Variants in HMG20A observed in about 807,000 individuals in gnomAD.
HMG20A encodes the protein high mobility group 20A.
Under a neutral mutation model 43.9 loss-of-function variants are expected in HMG20A, and 17 were observed. The observed-to-expected ratio is 0.39, with a 90% CI of 0.27 to 0.58. The LOEUF (loss-of-function observed/expected upper bound fraction) is 0.58. Among genes scored for constraint, HMG20A ranks in the 20% least tolerant of loss-of-function variants. The pLI, the probability that HMG20A is intolerant of heterozygous loss-of-function variation, is 0.59. For synonymous variants in HMG20A, 132 were observed against 147.5 expected (o/e 0.89, Z 0.76); for missense variants, 341 against 438.2 (o/e 0.78, Z 1.98).
At chr15:77,505,812 G>C in the HMG20A span, among the ~76,000 whole-genome samples, 3 of 152,200 alleles carry the variant, frequency 2.0e-5, no homozygotes, top group Non-Finnish European at 2.9e-5. Context: ...GGGGCTCCCG[G>C]GAGTAGATGG....
intron 1 of HMG20A, among the ~76,000 whole-genome samples, chr15:77,445,838 G>C (rs573356602): frequency 6.8e-4 from 103 of 152,276 alleles, no homozygotes; most frequent in African/African-American, 2.5e-3. Context: ...GATGGAGCAG[G>C]ACAGCATGGG....
chr15:77,463,745 A>T (rs947692576), intron 2 of HMG20A, among the ~76,000 whole-genome samples: 1 of 152,232 alleles, frequency 6.6e-6, no homozygotes, highest in South Asian at 2.1e-4. Flanking sequence ...GATTGTCACT[A>T]AACGCTATAA....
chr15:77,458,483 C>G lies in HMG20A; in HGVS notation c.76C>G (p.Leu26Val), dbSNP rs760475949. Residue 26 changes from leucine (L) to valine (V), a missense_variant, in exon 2 of 10, where the codon CTG (leucine) becomes GTG (valine). Transcript: ENST00000336216. ...DEDGSKESND[L>V]ATTGLNHPEV... is the part of the protein sequence containing the mutation. ...AGACGGTTCCAAGGAGAGTAATGAT[C>G]TGGCTACCACTGGGTAAGCAGCTGC... The G allele has an allele frequency of 2.5e-6, 4 of 1,610,464 alleles. No individual in the cohort carries two copies. Among genetic ancestry groups the G allele is most frequent in the Non-Finnish European group, 3.4e-6 (4 of 1,176,854 alleles).
chr15:77,452,376 G>A (rs975121064), intron 1 of HMG20A, among the ~76,000 whole-genome samples: 1 of 152,136 alleles, frequency 6.6e-6, no homozygotes, highest in African/African-American at 2.4e-5. Context: ...ATTATGATGG[G>A]TGTTTAGTAC....
chr15:77,475,120 G>T (rs935889216), intron 6 of HMG20A, among the ~76,000 whole-genome samples: 2 of 152,194 alleles, frequency 1.3e-5, no homozygotes, highest in Non-Finnish European at 2.9e-5. Context: ...CCCTTTCAGT[G>T]AAAGGGTAAT....
chr15:77,511,952 G>A, the HMG20A span, among the ~76,000 whole-genome samples: 2 of 152,290 alleles, frequency 1.3e-5, no homozygotes, highest in Admixed American at 1.3e-4. Flanking sequence ...AGAAATATCT[G>A]TACACTCATG....
intron 1 of HMG20A, among the ~76,000 whole-genome samples, chr15:77,423,093 G>A (rs1163295562): frequency 1.3e-5 from 2 of 151,988 alleles, no homozygotes; most frequent in Non-Finnish European, 2.9e-5. Context: ...TTATTAAATT[G>A]GTCTTTATGG....
At chr15:77,446,696 A>G (rs997553827) in intron 1 of HMG20A, among the ~76,000 whole-genome samples, 35 of 152,052 alleles carry the variant, frequency 2.3e-4, no homozygotes, top group African/African-American at 8.0e-4. Flanking sequence ...AGTCCCAGCT[A>G]CTCAGGAGGC....
At chr15:77,478,872 G>A (rs2072881658) in intron 8 of HMG20A, among the ~76,000 whole-genome samples, 1 of 152,190 alleles carries the variant, frequency 6.6e-6, no homozygotes, top group African/African-American at 2.4e-5. Flanking sequence ...GGAAGGAAGG[G>A]AGAATGAACA....
intron 1 of HMG20A, among the ~76,000 whole-genome samples, chr15:77,438,209 G>A (rs2073571305): frequency 6.8e-6 from 1 of 147,702 alleles, no homozygotes; most frequent in Non-Finnish European, 1.5e-5. Context: ...AAACTCCTGG[G>A]CTCAAGCGAT....
chr15:77,478,654 A>C, intron 8 of HMG20A, 144 bp downstream of exon 8: 1 of 671,566 alleles, frequency 1.5e-6, no homozygotes, highest in Non-Finnish European at 2.5e-6. Context: ...TCTTCTCTGG[A>C]TATAATAGAA....
intron 3 of HMG20A, among the ~76,000 whole-genome samples, chr15:77,465,701 G>C (rs1172137856): frequency 6.6e-6 from 1 of 152,002 alleles, no homozygotes; most frequent in Non-Finnish European, 1.5e-5. Flanking sequence ...GCCCACAGTA[G>C]CTTTAATGTA....
rs34166489 is a variant in HMG20A, at chr15:77,454,006, C to CAA, written c.-4-4384_-4-4383dup. ...GCAACATAGCGAAACCCTATCTCTACAAAAAAAAAAAAAAATTAAAAATTA... is the reference window on the plus strand; with the variant it reads ...GCAACATAGCGAAACCCTATCTCTACAAAAAAAAAAAAAAAAATTAAAAATTA... On this transcript the variant is annotated intron_variant, in intron 1 of 9. Transcript: ENST00000336216. Among the ~76,000 whole-genome samples, 977 of 107,788 alleles carry CAA rather than the reference C, an allele frequency of 9.1e-3. 13 individuals carry two copies. The highest frequency in any genetic ancestry group is 0.032 in the African/African-American group (898 of 28,258). The allele number at this position is 107,788 out of a possible 152,430, so 70.7% of individuals were successfully genotyped here.
chr15:77,517,210 A>G, the HMG20A span, among the ~76,000 whole-genome samples: 2 of 152,210 alleles, frequency 1.3e-5, no homozygotes, highest in African/African-American at 2.4e-5. Context: ...GGTTGCCCCA[A>G]GCCTCTGTCA....
chr15:77,510,751 T>C, the HMG20A span, among the ~76,000 whole-genome samples: 2 of 152,216 alleles, frequency 1.3e-5, no homozygotes, highest in Non-Finnish European at 2.9e-5. Flanking sequence ...TGGCTCATTA[T>C]GGTCTGGTGG....
chr15:77,435,823 T>TG (rs2142284238), intron 1 of HMG20A, among the ~76,000 whole-genome samples: 1 of 151,636 alleles, frequency 6.6e-6, no homozygotes, highest in African/African-American at 2.4e-5. Context: ...GTGCATCTTT[T>TG]TTTTTTTTCT....
the HMG20A span, among the ~76,000 whole-genome samples, chr15:77,494,434 A>G: frequency 1.3e-5 from 2 of 152,170 alleles, no homozygotes; most frequent in Admixed American, 1.3e-4. Context: ...CCCGGCCCCT[A>G]CTGCTAACTT....
the HMG20A span, among the ~76,000 whole-genome samples, chr15:77,500,078 G>A: frequency 3.3e-5 from 5 of 152,098 alleles, no homozygotes; most frequent in East Asian, 7.7e-4. Flanking sequence ...TGATCCACCC[G>A]CCTCGGCCTC....
intron 1 of HMG20A, among the ~76,000 whole-genome samples, chr15:77,452,590 G>A (rs1268962844): frequency 1.3e-5 from 2 of 152,256 alleles, no homozygotes; most frequent in East Asian, 3.9e-4. Flanking sequence ...CAGAGAATAT[G>A]GTGCATTTTC....
Sources: gnomAD v4.1 joint callset for allele counts (sites outside exome capture counted in the v4.1 genomes callset) on GRCh38, gnomAD v4.1.1 for gene constraint, MANE v1.5 for transcripts, NCBI Gene and HGNC (gene_info 2026-07-23, HGNC 2026-07-21) for gene names.